KLHL3: variants seen among roughly 807,000 people sequenced by gnomAD.
The protein encoded by KLHL3 is kelch-like protein 3.
A neutral mutation model predicts 70.5 loss-of-function variants in KLHL3; 19 were observed. The observed-to-expected ratio is 0.27, with a 90% confidence interval of 0.19 to 0.40. The LOEUF (loss-of-function observed/expected upper bound fraction) is 0.40, where lower values mean the gene tolerates loss of function less well. KLHL3 is among the 10% of genes least tolerant of loss of function. The pLI is 1.00. For synonymous variants in KLHL3, 258 were observed against 290.3 expected (o/e 0.89, Z 1.13); for missense variants, 512 against 771.1 (o/e 0.66, Z 3.98).
chr5:137,677,475 C>A, intron 6 of KLHL3, 70 bp downstream of exon 6: 3 of 880,868 alleles, frequency 3.4e-6, no homozygotes, highest in Admixed American at 4.7e-5. Flanking sequence ...AAGATCTCAC[C>A]AAACCACAAG....
chr5:137,731,513 A>G lies in KLHL3; in HGVS notation c.14+4120T>C, dbSNP rs558141628. Among the ~76,000 whole-genome samples the G allele has an allele frequency of 3.9e-5, 6 of 152,298 alleles. No individual in the cohort carries two copies. The East Asian group carries it at 1.2e-3, about 29-fold the overall frequency. On this transcript the variant is annotated intron_variant, in intron 1 of 14. Transcript: ENST00000309755. ...CTGGCTTTCTAAGTCTTGTCTCCTC[A>G]GAAAATATTCTCTATCTGTCGTTCC...
At chr5:137,631,665 A>T (rs1012117500) in intron 12 of KLHL3, among the ~76,000 whole-genome samples, 5 of 152,228 alleles carry the variant, frequency 3.3e-5, no homozygotes. Context: ...TCTAAATCTG[A>T]TAAGTGCAAT....
chr5:137,636,933 C>T (rs999757319), intron 11 of KLHL3, among the ~76,000 whole-genome samples: 5 of 152,214 alleles, frequency 3.3e-5, no homozygotes, highest in African/African-American at 1.2e-4. Flanking sequence ...ACATTTAACT[C>T]TCACTCTACT....
At chr5:137,631,767 A>G (rs921306933) in intron 12 of KLHL3, among the ~76,000 whole-genome samples, 9 of 152,222 alleles carry the variant, frequency 5.9e-5, no homozygotes, top group African/African-American at 2.2e-4. Flanking sequence ...GCACATAGTA[A>G]GCCTTAACTT....
At chr5:137,634,245 C>T (rs1179941682) in intron 11 of KLHL3, 80 bp from the exon 12 acceptor site, 10 of 1,465,050 alleles carry the variant, frequency 6.8e-6, no homozygotes, top group Admixed American at 2.4e-5. Flanking sequence ...CTATCTGCAA[C>T]CAACTGGGGC....
chr5:137,689,582 C>T (rs1752266905), intron 5 of KLHL3, among the ~76,000 whole-genome samples: 1 of 152,180 alleles, frequency 6.6e-6, no homozygotes, highest in South Asian at 2.1e-4. Flanking sequence ...AACAGAACAC[C>T]AAATATCACG....
chr5:137,645,353 T>C (rs1751017476), intron 8 of KLHL3, among the ~76,000 whole-genome samples: 1 of 152,000 alleles, frequency 6.6e-6, no homozygotes, highest in South Asian at 2.1e-4. Context: ...ACATTCAAAT[T>C]GAAAGGAGAA....
chr5:137,653,237 A>G (rs1580734605), intron 8 of KLHL3, among the ~76,000 whole-genome samples: 3 of 152,074 alleles, frequency 2.0e-5, no homozygotes, highest in Admixed American at 2.0e-4. Flanking sequence ...GCAACAGAGT[A>G]AGACTCCGTC....
chr5:137,692,126 A>G (rs1204215582), intron 5 of KLHL3, among the ~76,000 whole-genome samples, 159 bp downstream of exon 5: 3 of 152,200 alleles, frequency 2.0e-5, no homozygotes. Flanking sequence ...AATGAGCTAA[A>G]CTGTCCTATC....
At chr5:137,680,603 C>T (rs1001653288) in intron 5 of KLHL3, among the ~76,000 whole-genome samples, 3 of 149,992 alleles carry the variant, frequency 2.0e-5, no homozygotes. Context: ...AGTGCAATGG[C>T]GCGATCTCAG....
chr5:137,709,569 G>T (rs1752753441), intron 3 of KLHL3, among the ~76,000 whole-genome samples, 181 bp downstream of exon 3: 1 of 152,188 alleles, frequency 6.6e-6, no homozygotes, highest in Non-Finnish European at 1.5e-5. Flanking sequence ...TGCCCAACTG[G>T]CCTGGACCTG....
At chr5:137,662,229 CACACACACTCT>C (rs1367288295) in intron 6 of KLHL3, among the ~76,000 whole-genome samples, 198 bp from the exon 7 acceptor site, 5 of 141,962 alleles carry the variant, frequency 3.5e-5, no homozygotes, top group African/African-American at 1.4e-4. Flanking sequence ...AGAGTGATCA[CACACACACTCT>C]ACACACACAC....
At chr5:137,689,502 A>G (rs1000535166) in intron 5 of KLHL3, among the ~76,000 whole-genome samples, 34 of 152,266 alleles carry the variant, frequency 2.2e-4, no homozygotes, top group African/African-American at 8.0e-4. Context: ...CATAAAAAAG[A>G]ACAAAATCAT....
intron 1 of KLHL3, among the ~76,000 whole-genome samples, chr5:137,731,099 A>G (rs1327871208): frequency 6.6e-6 from 1 of 152,226 alleles, no homozygotes; most frequent in Non-Finnish European, 1.5e-5. Context: ...GAAAACTTAC[A>G]CAAAAATTAT....
At chr5:137,668,845 A>C (rs1751679157) in intron 6 of KLHL3, among the ~76,000 whole-genome samples, 2 of 152,228 alleles carry the variant, frequency 1.3e-5, no homozygotes, top group South Asian at 2.1e-4. Flanking sequence ...GGAAATCAGC[A>C]AATGAATCAA....
intron 8 of KLHL3, among the ~76,000 whole-genome samples, chr5:137,651,818 A>G (rs998906538): frequency 1.3e-5 from 2 of 152,246 alleles, no homozygotes; most frequent in African/African-American, 4.8e-5. Flanking sequence ...CTAGAAAGCT[A>G]GTAATCGAGG....
At chr5:137,666,067 C>G (rs1043585141) in intron 6 of KLHL3, among the ~76,000 whole-genome samples, 1 of 152,170 alleles carries the variant, frequency 6.6e-6, no homozygotes. Flanking sequence ...ATTGTTTGAA[C>G]GACTATGTTT....
chr5:137,705,862 TGGGGAGGATGGGGAATGA>T, intron 3 of KLHL3: 1 of 276,612 alleles, frequency 3.6e-6, no homozygotes, highest in Non-Finnish European at 5.5e-6. Context: ...AGGTGCTGGA[TGGGGAGGATGGGGAATGA>T]GTCCTAGACA....
intron 8 of KLHL3, among the ~76,000 whole-genome samples, chr5:137,650,737 G>T (rs974814761): frequency 1.3e-5 from 2 of 151,562 alleles, no homozygotes; most frequent in Admixed American, 1.3e-4. Context: ...CAGGAGAATC[G>T]CTTGAACCCA....
Sources: gnomAD v4.1 joint callset for allele counts (sites outside exome capture counted in the v4.1 genomes callset) on GRCh38, gnomAD v4.1.1 for gene constraint, MANE v1.5 for transcripts, NCBI Gene and HGNC (gene_info 2026-07-23, HGNC 2026-07-21) for gene names.